The following NAALADL2 variants were observed in gnomAD, a reference collection of about 807,000 sequenced individuals.
The protein encoded by NAALADL2 is N-acetylated alpha-linked acidic dipeptidase like 2.
Under a neutral mutation model 87.2 loss-of-function variants are expected in NAALADL2, and 76 were observed. The ratio of observed to expected loss-of-function variants is 0.87; its 90% confidence interval spans 0.72 to 1.05. The LOEUF (loss-of-function observed/expected upper bound fraction) is 1.05, where lower values mean the gene tolerates loss of function less well. NAALADL2 is among the 50% of genes least tolerant of loss of function. The probability of loss-of-function intolerance (pLI) is 0.00; values close to 1 mark genes in which losing one functional copy is unlikely to be tolerated. For missense variants in NAALADL2, 1,089 were observed against 945.8 expected, an observed-to-expected ratio of 1.15 and a Z score of -1.99; for synonymous variants, 354 against 331.0, an observed-to-expected ratio of 1.07 and a Z score of -0.75.
chr3:175,608,680 G>A lies in NAALADL2; in HGVS notation c.1801-18611G>A, dbSNP rs141495811. Among the ~76,000 whole-genome samples the A allele has an allele frequency of 2.0e-3, 304 of 152,140 alleles. 2 individuals are homozygous for A. Among genetic ancestry groups the A allele is most frequent in the African/African-American group, 7.0e-3 (291 of 41,514 alleles). On this transcript the variant is annotated intron_variant, in intron 10 of 13. Transcript: ENST00000454872. ...GAAACAATGAGTCTTTTAGATATAA[G>A]TTGATTTAATAGTATTCTCAGTTGT...
In NAALADL2 at chr3:174,688,404, AAAAT is replaced by A. The variant is rs1042197415; in HGVS notation, c.-114-49235_-114-49232del. Among the ~76,000 whole-genome samples the A allele has an allele frequency of 3.6e-4, 46 of 129,472 alleles. No individual in the cohort carries two copies. In the South Asian group the frequency reaches 0.017, roughly 49 times the overall value. 84.9% of individuals were successfully genotyped at this position (129,472 alleles called of 152,430 possible). ...AATTCTTAATATTAAAATAATATAA[AAAAT>A]ATAAACAATCAGTCACATAAGGCAG... On this transcript the variant is annotated intron_variant, in intron 2 of 3. Coordinates refer to the NAALADL2 transcript ENST00000434257.
chr3:175,449,489 G>C (rs9855893), intron 6 of NAALADL2, among the ~76,000 whole-genome samples: 1 of 148,828 alleles, frequency 6.7e-6, no homozygotes. Flanking sequence ...TCCGCCTCCC[G>C]GGTTCACACC....
chr3:174,857,815 A>G (rs1174712120), upstream of NAALADL2, among the ~76,000 whole-genome samples: 1 of 152,092 alleles, frequency 6.6e-6, no homozygotes, highest in Admixed American at 6.6e-5. Context: ...TCCCTCATAG[A>G]AGAAACTGAG....
intron 1 of NAALADL2, among the ~76,000 whole-genome samples, chr3:175,015,130 C>A (rs139806270): frequency 6.6e-6 from 1 of 151,950 alleles, no homozygotes; most frequent in Admixed American, 6.6e-5. Context: ...AAAAAGAAAA[C>A]TGAATTTAAA....
intron 1 of NAALADL2, among the ~76,000 whole-genome samples, chr3:174,953,658 G>A (rs1196756283): frequency 6.6e-6 from 1 of 151,762 alleles, no homozygotes; most frequent in Non-Finnish European, 1.5e-5. Flanking sequence ...ATTCCCTTGG[G>A]CTGTGGCTGA....
intron 5 of NAALADL2, among the ~76,000 whole-genome samples, chr3:175,392,372 A>G (rs1399929889): frequency 6.6e-6 from 1 of 152,194 alleles, no homozygotes; most frequent in African/African-American, 2.4e-5. Context: ...GAAATAGGTA[A>G]TTTTAAAATA....
At chr3:175,387,458 C>T (rs1768535688) in intron 5 of NAALADL2, among the ~76,000 whole-genome samples, 1 of 152,032 alleles carries the variant, frequency 6.6e-6, no homozygotes, top group African/African-American at 2.4e-5. Flanking sequence ...CAGATTGATA[C>T]ATTACTTCTC....
intron 3 of NAALADL2, among the ~76,000 whole-genome samples, chr3:174,755,176 C>T (rs184095718): frequency 1.3e-5 from 2 of 152,296 alleles, no homozygotes; most frequent in East Asian, 3.9e-4. Flanking sequence ...CTTCCTCCTG[C>T]ATTCATTCTC....
chr3:175,431,775 A>T (rs578094426), intron 5 of NAALADL2, among the ~76,000 whole-genome samples: 1 of 152,070 alleles, frequency 6.6e-6, no homozygotes. Flanking sequence ...AAATATAATT[A>T]TTTAAAATAT....
At chr3:174,799,054 C>T (rs192815118) in intron 3 of NAALADL2, among the ~76,000 whole-genome samples, 1 of 151,756 alleles carries the variant, frequency 6.6e-6, no homozygotes, top group East Asian at 1.9e-4. Flanking sequence ...CTTGTAATCT[C>T]AGTTATTTGT....
At chr3:174,594,204 A>G (rs1399218428) in intron 2 of NAALADL2, among the ~76,000 whole-genome samples, 1 of 152,152 alleles carries the variant, frequency 6.6e-6, no homozygotes, top group Non-Finnish European at 1.5e-5. Flanking sequence ...GCATAATAAT[A>G]TGCCAAATTT....
chr3:175,697,890 TATG>T (rs1738138625), intron 11 of NAALADL2, among the ~76,000 whole-genome samples: 3 of 80,210 alleles, frequency 3.7e-5, no homozygotes, highest in Non-Finnish European at 6.7e-5. Flanking sequence ...TATGTGTATA[TATG>T]TATGTATACA....
At chr3:174,495,207 A>G (rs575549618) in intron 1 of NAALADL2, among the ~76,000 whole-genome samples, 2 of 151,370 alleles carry the variant, frequency 1.3e-5, no homozygotes, top group East Asian at 3.9e-4. Flanking sequence ...TTTAGAATAA[A>G]TGAAGGATTC....
At chr3:175,073,737 T>A (rs76838772) in intron 1 of NAALADL2, among the ~76,000 whole-genome samples, 1,738 of 152,196 alleles carry the variant, frequency 0.011, 11 homozygotes, top group Non-Finnish European at 0.017. Context: ...TCAGTGTTAC[T>A]CAAGAGAAGA....
intron 2 of NAALADL2, chr3:174,632,110 A>G (rs1482787284): frequency 6.6e-6 from 1 of 152,204 alleles, no homozygotes; most frequent in South Asian, 2.1e-4. Context: ...TTTTATTGAG[A>G]AGCAGTGTAG....
At chr3:175,730,020 C>A (rs991515419) in intron 11 of NAALADL2, among the ~76,000 whole-genome samples, 1 of 152,000 alleles carries the variant, frequency 6.6e-6, no homozygotes, top group African/African-American at 2.4e-5. Context: ...CAATGCTCAA[C>A]CATGCTTGTG....
intron 3 of NAALADL2, among the ~76,000 whole-genome samples, chr3:174,813,853 G>A (rs926373471): frequency 6.6e-6 from 1 of 151,870 alleles, no homozygotes; most frequent in East Asian, 1.9e-4. Context: ...ACTTAAATAA[G>A]AAATAATAAA....
At chr3:174,829,316 C>A (rs1722359891) in intron 3 of NAALADL2, among the ~76,000 whole-genome samples, 1 of 149,360 alleles carries the variant, frequency 6.7e-6, no homozygotes, top group African/African-American at 2.5e-5. Flanking sequence ...CTTCCTGTGT[C>A]CATCTGATCT....
chr3:175,555,692 C>T (rs1221763004), intron 9 of NAALADL2, among the ~76,000 whole-genome samples: 3 of 152,214 alleles, frequency 2.0e-5, no homozygotes, highest in African/African-American at 7.2e-5. Flanking sequence ...TATACACACA[C>T]TACACATATA....
Sources: allele counts gnomAD v4.1 joint callset (sites outside exome capture counted in the v4.1 genomes callset), GRCh38; gene constraint gnomAD v4.1.1; transcripts MANE v1.5; gene names NCBI Gene and HGNC (gene_info 2026-07-23, HGNC 2026-07-21).